IFNAR2: variants seen among roughly 807,000 people sequenced by gnomAD.
The protein encoded by IFNAR2 is interferon alpha/beta receptor 2.
In IFNAR2, 30 loss-of-function variants were observed where a neutral mutation model predicts 49.4. The ratio of observed to expected loss-of-function variants is 0.61; its 90% CI spans 0.45 to 0.82. The LOEUF is 0.82. Among genes scored for constraint, IFNAR2 ranks in the 40% least tolerant of loss-of-function variants. IFNAR2 has a pLI of 0.00. For missense variants in IFNAR2, 600 were observed against 622.7 expected, an observed-to-expected ratio of 0.96 and a Z score of 0.39; for synonymous variants, 224 against 234.5, an observed-to-expected ratio of 0.96 and a Z score of 0.41.
chr21:33,239,364 C>G (rs948994169), intron 1 of IFNAR2, among the ~76,000 whole-genome samples: 4 of 152,224 alleles, frequency 2.6e-5, no homozygotes, highest in Non-Finnish European at 5.9e-5. Flanking sequence ...GGTCTCATGT[C>G]ATAGCTGCTC....
chr21:33,232,322 A>G (rs1255194896), intron 1 of IFNAR2, among the ~76,000 whole-genome samples: 2 of 152,170 alleles, frequency 1.3e-5, no homozygotes, highest in Non-Finnish European at 2.9e-5. Context: ...TAAAGGAAAA[A>G]CAGGTAATTG....
At position 33,232,722 on chromosome 21, in the gene IFNAR2, G is replaced by A. The variant is rs573974571; in HGVS notation, c.-84+2506G>A. 5.9e-5 allele frequency among the ~76,000 whole-genome samples: 9 copies of A among 151,948 alleles called. No homozygotes were observed. In the South Asian group the frequency reaches 1.7e-3, roughly 28 times the overall value. ...TTTTTTCTTTTCTCACAAAGGAACAGTGGGCCCTTTATGCTGGGTGAAGGT... is the reference window on the plus strand; with the variant it reads ...TTTTTTCTTTTCTCACAAAGGAACAATGGGCCCTTTATGCTGGGTGAAGGT... On this transcript the variant is annotated intron_variant, in intron 1 of 8. Coordinates refer to ENST00000342136, the MANE Select transcript of IFNAR2 (RefSeq NM_001289125.3).
intron 7 of IFNAR2, among the ~76,000 whole-genome samples, chr21:33,253,534 G>T (rs74932508): frequency 0.01 from 1,545 of 152,238 alleles, 25 homozygotes; most frequent in African/African-American, 0.036. Context: ...AGGGGAAAGA[G>T]GTCCCAATCC....
rs764488006 is a variant in IFNAR2 at position 33,260,668 on chromosome 21, A to G, written c.781A>G (p.Ile261Val). ...GATAGCATTGGTCTTGACAAGCACCATAGTGACACTGAAATGGATTGGTTA... is the reference window on the plus strand; with the variant it reads ...GATAGCATTGGTCTTGACAAGCACCGTAGTGACACTGAAATGGATTGGTTA... Reference protein sequence around the residue: ...FLIALVLTSTIVTLKWIGYIC... With the variant: ...FLIALVLTSTVVTLKWIGYIC... Residue 261 changes from isoleucine (I) to valine (V), a missense_variant, in exon 8 of 9, where the codon ATA becomes GTA. Coordinates refer to ENST00000342136, the MANE Select transcript of IFNAR2 (RefSeq NM_001289125.3). 5 of 1,603,344 alleles carry G rather than the reference A, an allele frequency of 3.1e-6. No homozygotes were observed. In the African/African-American group the frequency reaches 4.0e-5, roughly 13 times the overall value.
At chr21:33,231,367 A>T (rs2083883942) in intron 1 of IFNAR2, among the ~76,000 whole-genome samples, 1 of 152,252 alleles carries the variant, frequency 6.6e-6, no homozygotes, top group South Asian at 2.1e-4. Flanking sequence ...TATTGTTCAT[A>T]AAGTTGTTTT....
At chr21:33,239,172 C>G (rs17860161) in intron 1 of IFNAR2, among the ~76,000 whole-genome samples, 6,175 of 152,274 alleles carry the variant, frequency 0.041, 402 homozygotes, top group African/African-American at 0.14. Context: ...CCCCTCTCCC[C>G]ACTGTTTAGT....
rs764055330 is a variant in IFNAR2 at position 33,265,650 on chromosome 21, C to CT, written c.*2156dup. ...GTTGGTAAAAAGTAACACAACAGTA[C>CT]TTTTTTAATACAAACTTGGTGTGGT... On this transcript the variant is annotated 3_prime_UTR_variant, in exon 9 of 9. Coordinates refer to ENST00000342136, the MANE Select transcript of IFNAR2 (RefSeq NM_001289125.3). 65 of 221,258 alleles carry CT rather than the reference C, an allele frequency of 2.9e-4. No homozygotes were observed. The highest frequency in any genetic ancestry group is 5.2e-4 in the Non-Finnish European group (56 of 106,724). The allele number at this position is 221,258 out of a possible 1,614,324, so 13.7% of individuals were successfully genotyped here.
chr21:33,236,004 A>G (rs1221228124), intron 1 of IFNAR2, among the ~76,000 whole-genome samples: 2 of 152,240 alleles, frequency 1.3e-5, no homozygotes, highest in Non-Finnish European at 2.9e-5. Context: ...TATATTATGC[A>G]AAACCAGATT....
chr21:33,262,485 A>C, intron 8 of IFNAR2: 2 of 659,382 alleles, frequency 3.0e-6, no homozygotes, highest in South Asian at 3.4e-5. Context: ...TGTAACTGTT[A>C]GCTGTTATTA....
intron 2 of IFNAR2, among the ~76,000 whole-genome samples, chr21:33,242,859 G>A (rs1987081978): frequency 6.7e-6 from 1 of 148,516 alleles, no homozygotes; most frequent in Non-Finnish European, 1.5e-5. Context: ...TGTGAGCTCA[G>A]CTCACTGCAG....
In IFNAR2 at chr21:33,264,231, G is replaced by A. The variant is rs921884565; in HGVS notation, c.*731G>A. The A allele has an allele frequency of 2.6e-5, 4 of 152,308 alleles. No individual in the cohort carries two copies. The highest frequency in any genetic ancestry group is 4.4e-5 in the Non-Finnish European group (3 of 68,144). The allele number at this position is 152,308 out of a possible 1,614,324, so 9.4% of individuals were successfully genotyped here. The stretch of plus-strand genomic sequence containing the variant: ...GGAAAGAAAAGGAAAATAGTAGCAA[G>A]AGCTGCAAAGCAGGCAGGAAGGGAG... On this transcript the variant is annotated 3_prime_UTR_variant, in exon 9 of 9. Coordinates refer to ENST00000342136, the MANE Select transcript of IFNAR2 (RefSeq NM_001289125.3).
At chr21:33,254,591 C>T (rs186298513) in intron 7 of IFNAR2, among the ~76,000 whole-genome samples, 11 of 152,296 alleles carry the variant, frequency 7.2e-5, no homozygotes, top group African/African-American at 2.4e-4. Flanking sequence ...AAGCCTGCTA[C>T]CAGAGGCTTC....
intron 6 of IFNAR2, among the ~76,000 whole-genome samples, chr21:33,251,092 A>C (rs982181514): frequency 1.8e-4 from 27 of 152,192 alleles, no homozygotes; most frequent in African/African-American, 6.5e-4. Context: ...TGAATGCCCT[A>C]AGACCAGATG....
At chr21:33,246,044 T>TTTCA (rs1987372050) in intron 4 of IFNAR2, among the ~76,000 whole-genome samples, 1 of 151,876 alleles carries the variant, frequency 6.6e-6, no homozygotes, top group South Asian at 2.1e-4. Context: ...AGGGCCCAAG[T>TTTCA]TTCATTCATT....
intron 1 of IFNAR2, chr21:33,231,837 G>T (rs1262059230): frequency 5.3e-6 from 1 of 188,944 alleles, no homozygotes; most frequent in African/African-American, 2.4e-5. Context: ...CCCCTCCTGG[G>T]TTCAAGCGAT....
At chr21:33,261,623 T>G (rs993354504) in intron 8 of IFNAR2, among the ~76,000 whole-genome samples, 3 of 152,154 alleles carry the variant, frequency 2.0e-5, no homozygotes, top group African/African-American at 7.2e-5. Flanking sequence ...GCCTGTAATC[T>G]CAGCACTTTG....
Position 33,263,119 on chromosome 21 carries a change from A to G in IFNAR2, c.1167A>G (p.Glu389=), listed in dbSNP as rs1486130443. ...TMPKDSPQQL[E]LLSGPCERRK... The stretch of plus-strand genomic sequence containing the variant: ...CAAAGGACAGCCCTCAGCAGTTGGA[A>G]CTCTTGAGTGGGCCCTGTGAGAGGA... Residue 389 remains glutamate, a synonymous_variant, in exon 9 of 9, where the codon GAA becomes GAG. Transcript: ENST00000342136. 2 of 1,613,930 alleles carry G rather than the reference A, an allele frequency of 1.2e-6. No homozygotes were observed. Among genetic ancestry groups the G allele is most frequent in the East Asian group, 4.5e-5 (2 of 44,872 alleles).
rs58370026 is a variant in IFNAR2, at chr21:33,263,854, CT to C, written c.*372del. On this transcript the variant is annotated 3_prime_UTR_variant, in exon 9 of 9. Transcript: ENST00000342136. ...CCTATGATATTTCTCTTCTTTCGTT[CT>C]TTTTTTTTTTTTTTTTTGAGACAGA... 63,842 of 126,820 alleles carry C rather than the reference CT, an allele frequency of 0.5. 13,942 individuals are homozygous for C. The highest frequency in any genetic ancestry group is 0.56 in the African/African-American group (17,533 of 31,446). The allele number at this position is 126,820 out of a possible 1,614,324, so 7.9% of individuals were successfully genotyped here.
chr21:33,248,780 T>C lies in IFNAR2; in HGVS notation c.466T>C (p.Ser156Pro). ...CATTAATGTGATGGTGAAATTTCCA[T>C]CTATTGTTGAGGAAGAATTACAGTT... ...NHINVMVKFP[S>P]IVEEELQFDL... Residue 156 changes from serine (S) to proline (P), a missense_variant, in exon 6 of 9, where the codon TCT becomes CCT. Physicochemically the swap from Ser to Pro is moderately conservative, Grantham distance 74. Coordinates refer to ENST00000342136, the MANE Select transcript of IFNAR2 (RefSeq NM_001289125.3). The C allele has an allele frequency of 6.2e-7, 1 of 1,611,730 alleles. No individual in the cohort carries two copies. Among genetic ancestry groups the C allele is most frequent in the Non-Finnish European group, 8.5e-7 (1 of 1,178,582 alleles).
Sources: gnomAD v4.1 joint callset for allele counts (sites outside exome capture counted in the v4.1 genomes callset) on GRCh38, gnomAD v4.1.1 for gene constraint, MANE v1.5 for transcripts, NCBI Gene and HGNC (gene_info 2026-07-23, HGNC 2026-07-21) for gene names.